PARD3B: variants seen among roughly 807,000 people sequenced by gnomAD.
The protein encoded by PARD3B is par-3 family cell polarity regulator beta, also known as partitioning defective 3 homolog B.
PARD3B carries 103 observed loss-of-function variants against 130.2 expected under a neutral mutation model. The observed-to-expected ratio is 0.79, with a 90% CI of 0.67 to 0.93. The LOEUF (loss-of-function observed/expected upper bound fraction) is 0.93, where lower values mean the gene tolerates loss of function less well. PARD3B is among the 40% of genes least tolerant of loss of function. The pLI is 0.00. For missense variants in PARD3B, 1,609 were observed against 1,499.2 expected (o/e 1.07, Z -1.21); for synonymous variants, 583 against 553.2 (o/e 1.05, Z -0.76).
At chr2:204,917,832 A>G (rs961791298) in intron 2 of PARD3B, among the ~76,000 whole-genome samples, 1 of 152,188 alleles carries the variant, frequency 6.6e-6, no homozygotes, top group Non-Finnish European at 1.5e-5. Context: ...ATTTCTGGCT[A>G]CTGATTAATA....
intron 21 of PARD3B, among the ~76,000 whole-genome samples, chr2:205,541,790 T>A (rs1215104871): frequency 6.6e-6 from 1 of 152,080 alleles, no homozygotes; most frequent in East Asian, 1.9e-4. Flanking sequence ...GGCACTAACC[T>A]GATGATAGGC....
intron 2 of PARD3B, among the ~76,000 whole-genome samples, chr2:204,724,029 A>G (rs977364636): frequency 6.6e-6 from 1 of 152,172 alleles, no homozygotes; most frequent in Non-Finnish European, 1.5e-5. Context: ...CCTTATGGCT[A>G]ATGCCTTTCC....
chr2:205,368,756 T>C (rs75019602), intron 18 of PARD3B, among the ~76,000 whole-genome samples: 1 of 152,116 alleles, frequency 6.6e-6, no homozygotes, highest in Non-Finnish European at 1.5e-5. Context: ...TTCTAAAGTA[T>C]TTGTGGAACA....
chr2:204,986,329 A>G (rs1011782376), intron 3 of PARD3B, among the ~76,000 whole-genome samples: 1 of 152,102 alleles, frequency 6.6e-6, no homozygotes, highest in Non-Finnish European at 1.5e-5. Flanking sequence ...TTTCTGAATT[A>G]TCCTTCTTCA....
intron 2 of PARD3B, among the ~76,000 whole-genome samples, chr2:204,953,101 C>T (rs1435051135): frequency 2.1e-5 from 3 of 145,866 alleles, no homozygotes; most frequent in African/African-American, 7.6e-5. Context: ...GAGTCAATGT[C>T]ACTAGTAATA....
intron 3 of PARD3B, among the ~76,000 whole-genome samples, chr2:204,976,630 T>A: frequency 7.9e-6 from 1 of 127,094 alleles, no homozygotes; most frequent in African/African-American, 3.0e-5. Context: ...TTTTTTGAGA[T>A]GGAGTCTTGC....
chr2:204,553,679 TATATATATATATATATACAC>T (rs1339062370), intron 1 of PARD3B, among the ~76,000 whole-genome samples: 1 of 94,264 alleles, frequency 1.1e-5, no homozygotes, highest in African/African-American at 4.4e-5. Flanking sequence ...TATATATATA[TATATATATATATATATACAC>T]ACATATATAT....
intron 1 of PARD3B, among the ~76,000 whole-genome samples, chr2:204,584,005 G>T (rs766248257): frequency 3.4e-4 from 52 of 152,352 alleles, no homozygotes; most frequent in Admixed American, 1.7e-3. Context: ...TGGTGACGTT[G>T]CCAGGGAGAC....
rs971291869 is a variant in PARD3B, at chr2:205,432,512, T to G, written c.2742-7858T>G. ...CACTGGCCTTGCTGTTTTTAGCACA[T>G]GCCTGCCTCAGGGGCTTTATATCTG... On this transcript the variant is annotated intron_variant, in intron 19 of 22. Coordinates refer to ENST00000406610, the MANE Select transcript of PARD3B (RefSeq NM_001302769.2). Among the ~76,000 whole-genome samples, 83 of 152,168 alleles carry G rather than the reference T, an allele frequency of 5.5e-4. 1 individual carries two copies. Among genetic ancestry groups the G allele is most frequent in the Admixed American group, 7.9e-4 (12 of 15,270 alleles).
At chr2:204,897,736 G>C (rs187770084) in intron 2 of PARD3B, among the ~76,000 whole-genome samples, 18 of 152,150 alleles carry the variant, frequency 1.2e-4, no homozygotes, top group Non-Finnish European at 2.1e-4. Flanking sequence ...TTAATACTGA[G>C]ATTAGTTCAA....
chr2:205,028,987 TAG>T (rs1208668347), intron 3 of PARD3B, among the ~76,000 whole-genome samples: 3 of 151,514 alleles, frequency 2.0e-5, no homozygotes, highest in Non-Finnish European at 4.4e-5. Flanking sequence ...AGATCTTGGT[TAG>T]AGTTTATTGG....
chr2:205,503,639 T>C (rs1392837569), intron 21 of PARD3B, among the ~76,000 whole-genome samples: 1 of 152,122 alleles, frequency 6.6e-6, no homozygotes, highest in Non-Finnish European at 1.5e-5. Flanking sequence ...TGTCTTAGGA[T>C]TGACTTGGCA....
rs543835367 is a variant in PARD3B, at chr2:204,771,532, G to A, written c.222+85250G>A. On this transcript the variant is annotated intron_variant, in intron 2 of 22. Coordinates refer to ENST00000406610, the MANE Select transcript of PARD3B (RefSeq NM_001302769.2). ...ACTAAGGAGTACTAGGGCAGGGAAGGAGGGGGGCAAGGGTTGAAAAACTAC... is the reference window on the plus strand; with the variant it reads ...ACTAAGGAGTACTAGGGCAGGGAAGAAGGGGGGCAAGGGTTGAAAAACTAC... 2.2e-3 allele frequency among the ~76,000 whole-genome samples: 339 copies of A among 152,198 alleles called. 1 individual carries two copies. Among genetic ancestry groups the A allele is most frequent in the Middle Eastern group, 0.014 (4 of 294 alleles).
At position 205,091,154 on chromosome 2, in the gene PARD3B, A is replaced by G. The variant is rs1359287275; in HGVS notation, c.505-13272A>G. Reference sequence around the variant, plus strand: ...CAGGGTTAGCGGAAGAGATTTAAGCATTAGAGGCTGAAGTTTTTCAACCCC... The same window carrying G: ...CAGGGTTAGCGGAAGAGATTTAAGCGTTAGAGGCTGAAGTTTTTCAACCCC... On this transcript the variant is annotated intron_variant, in intron 4 of 22. Transcript: ENST00000406610. This position sits in a 1 kb window ranked among gnomAD's most constrained non-coding sequence, Gnocchi z 4.2. Among the ~76,000 whole-genome samples the G allele has an allele frequency of 6.6e-6, 1 of 152,220 alleles. No homozygotes were observed. The highest frequency in any genetic ancestry group is 6.5e-5 in the Admixed American group (1 of 15,288).
intron 2 of PARD3B, among the ~76,000 whole-genome samples, chr2:204,687,108 G>A (rs2037121880): frequency 1.3e-5 from 2 of 151,990 alleles, no homozygotes; most frequent in Admixed American, 1.3e-4. Flanking sequence ...TTTTTTCCCT[G>A]TAATCTCAGG....
At chr2:204,723,566 T>A (rs1001369577) in intron 2 of PARD3B, among the ~76,000 whole-genome samples, 1 of 152,212 alleles carries the variant, frequency 6.6e-6, no homozygotes, top group African/African-American at 2.4e-5. Flanking sequence ...TCCTTTGTTC[T>A]GTGTTTACCT....
intron 3 of PARD3B, among the ~76,000 whole-genome samples, chr2:204,991,894 C>T (rs1693726106): frequency 6.7e-6 from 1 of 150,212 alleles, no homozygotes; most frequent in South Asian, 2.1e-4. Context: ...CGTGTCTGTT[C>T]ATGTCCTTCA....
intron 4 of PARD3B, among the ~76,000 whole-genome samples, chr2:205,058,858 T>C (rs1699893966): frequency 6.6e-6 from 1 of 152,034 alleles, no homozygotes; most frequent in African/African-American, 2.4e-5. Flanking sequence ...ATCAGATATA[T>C]GATTTGAAAA....
At chr2:204,775,983 C>G (rs2041600799) in intron 2 of PARD3B, among the ~76,000 whole-genome samples, 1 of 152,210 alleles carries the variant, frequency 6.6e-6, no homozygotes, top group African/African-American at 2.4e-5. Flanking sequence ...TCATATTTAA[C>G]TCTTCTAAGA....
Sources: gnomAD v4.1 joint callset for allele counts (sites outside exome capture counted in the v4.1 genomes callset) on GRCh38, gnomAD v4.1.1 for gene constraint, Gnocchi (gnomAD v3.1) non-coding constraint, MANE v1.5 for transcripts, NCBI Gene and HGNC (gene_info 2026-07-23, HGNC 2026-07-21) for gene names.